Variants in MRPS9 observed in about 807,000 individuals in gnomAD.
MRPS9 encodes the protein small ribosomal subunit protein uS9m.
Under a neutral mutation model 59.9 loss-of-function variants are expected in MRPS9, and 45 were observed. The observed-to-expected ratio is 0.75, with a 90% CI of 0.59 to 0.96. The LOEUF (loss-of-function observed/expected upper bound fraction) is 0.96, where lower values mean the gene tolerates loss of function less well. MRPS9 is among the 40% of genes least tolerant of loss of function. MRPS9 has a pLI of 0.00. For synonymous variants in MRPS9, 171 were observed against 166.8 expected (o/e 1.03, Z -0.19); for missense variants, 473 against 481.1 (o/e 0.98, Z 0.16).
intron 4 of MRPS9, among the ~76,000 whole-genome samples, chr2:105,076,337 G>A (rs190798331): frequency 6.6e-6 from 1 of 152,320 alleles, no homozygotes; most frequent in East Asian, 1.9e-4. Flanking sequence ...AAATCAGTGT[G>A]GAATGGCATG....
intron 9 of MRPS9, among the ~76,000 whole-genome samples, chr2:105,095,040 A>G (rs1470833301): frequency 6.6e-6 from 1 of 152,310 alleles, no homozygotes; most frequent in Non-Finnish European, 1.5e-5. Flanking sequence ...AACTTCCTAC[A>G]TGGTTGGGAA....
chr2:105,083,756 C>T (rs1450725014), intron 5 of MRPS9, among the ~76,000 whole-genome samples: 1 of 152,078 alleles, frequency 6.6e-6, no homozygotes, highest in Non-Finnish European at 1.5e-5. Flanking sequence ...CTGGGGAACT[C>T]TAATAAGGAG....
rs1335930895 is a variant in MRPS9, at chr2:105,038,421, G to GT, written c.135+201dup. 1.2e-5 allele frequency: 8 copies of GT among 681,040 alleles called. No homozygotes were observed. The Admixed American group carries it at 2.1e-4, about 18-fold the overall frequency. 42.2% of individuals were successfully genotyped at this position (681,040 alleles called of 1,614,324 possible). A position where few individuals can be genotyped will look rare whatever the true frequency, so the allele number is the denominator to read the frequency against. On this transcript the variant is annotated intron_variant, in intron 1 of 10. Coordinates refer to ENST00000258455, the MANE Select transcript of MRPS9 (RefSeq NM_182640.3). Reference sequence around the variant, plus strand: ...GTAGCCGCTCTAGAGGTTGTTACTTGTTTTTTTGCGGGGTGCAGCGAGGGG... The same window carrying GT: ...GTAGCCGCTCTAGAGGTTGTTACTTGTTTTTTTTGCGGGGTGCAGCGAGGGG...
At chr2:105,066,227 A>G (rs1462668185) in intron 2 of MRPS9, among the ~76,000 whole-genome samples, 1 of 151,936 alleles carries the variant, frequency 6.6e-6, no homozygotes, top group Non-Finnish European at 1.5e-5. Flanking sequence ...CTGACATGGT[A>G]TCTTTTGCTC....
intron 4 of MRPS9, among the ~76,000 whole-genome samples, chr2:105,078,698 T>A (rs1328109704): frequency 6.6e-6 from 1 of 152,186 alleles, no homozygotes. Context: ...ATCCTACATA[T>A]AATACAGGTG....
chr2:105,064,335 G>A (rs1679959211), intron 2 of MRPS9, among the ~76,000 whole-genome samples: 1 of 140,872 alleles, frequency 7.1e-6, no homozygotes, highest in Admixed American at 7.2e-5. Context: ...AGTAATTACA[G>A]GACCAGAATT....
intron 2 of MRPS9, among the ~76,000 whole-genome samples, chr2:105,061,109 CAAAAAAAAAAA>C (rs751155585): frequency 8.3e-5 from 4 of 47,982 alleles, no homozygotes; most frequent in African/African-American, 2.4e-4. Context: ...GACTCTGTCT[CAAAAAAAAAAA>C]AAAAAAAAAA....
At chr2:105,066,266 A>G (rs958987842) in intron 2 of MRPS9, among the ~76,000 whole-genome samples, 6 of 152,206 alleles carry the variant, frequency 3.9e-5, no homozygotes, top group African/African-American at 1.4e-4. Context: ...TATTTGGTAC[A>G]ATACTTAGTA....
chr2:105,046,427 T>C (rs185533587), intron 1 of MRPS9, among the ~76,000 whole-genome samples: 1 of 152,076 alleles, frequency 6.6e-6, no homozygotes, highest in Non-Finnish European at 1.5e-5. Flanking sequence ...GCTTGCCATT[T>C]TTTCTCCTTC....
chr2:105,086,830 G>A (rs538520748), intron 5 of MRPS9, among the ~76,000 whole-genome samples: 1 of 152,192 alleles, frequency 6.6e-6, no homozygotes, highest in East Asian at 1.9e-4. Context: ...CAGTCTGCCT[G>A]TGGTCCAGCC....
chr2:105,053,900 G>C (rs1225106455), intron 2 of MRPS9, among the ~76,000 whole-genome samples: 1 of 152,148 alleles, frequency 6.6e-6, no homozygotes, highest in Non-Finnish European at 1.5e-5. Context: ...GAATTAATAG[G>C]AAAAACATCC....
intron 5 of MRPS9, among the ~76,000 whole-genome samples, chr2:105,081,181 C>T (rs980292054): frequency 6.6e-6 from 1 of 152,134 alleles, no homozygotes; most frequent in Admixed American, 6.5e-5. Context: ...TGGACTTGAG[C>T]CCCCTGCAGT....
intron 7 of MRPS9, chr2:105,091,300 C>T (rs1359544999): frequency 4.2e-6 from 2 of 470,944 alleles, no homozygotes; most frequent in East Asian, 1.4e-4. Context: ...GGCTGAGTTC[C>T]ACCCATAGTG....
intron 1 of MRPS9, among the ~76,000 whole-genome samples, chr2:105,041,885 C>G (rs565743817): frequency 6.6e-6 from 1 of 152,136 alleles, no homozygotes; most frequent in Non-Finnish European, 1.5e-5. Flanking sequence ...AAAAATACCT[C>G]TACATTAAAA....
At chr2:105,079,009 G>A (rs1680270273) in intron 4 of MRPS9, among the ~76,000 whole-genome samples, 1 of 152,098 alleles carries the variant, frequency 6.6e-6, no homozygotes. Context: ...CAGCAGATGT[G>A]TAGTGTATCT....
At chr2:105,047,047 T>A (rs574347009) in intron 1 of MRPS9, among the ~76,000 whole-genome samples, 1 of 151,932 alleles carries the variant, frequency 6.6e-6, no homozygotes, top group South Asian at 2.1e-4. Context: ...ACCACTATGG[T>A]AGGGAGTTGG....
At chr2:105,090,022 G>C in intron 7 of MRPS9, 27 bp downstream of exon 7, 1 of 1,333,886 alleles carries the variant, frequency 7.5e-7, no homozygotes, top group Non-Finnish European at 1.1e-6. Context: ...TTTAATTTAA[G>C]GGGACCTATG....
chr2:105,078,179 G>A (rs1047022180), intron 4 of MRPS9, among the ~76,000 whole-genome samples: 3 of 140,824 alleles, frequency 2.1e-5, no homozygotes, highest in African/African-American at 8.2e-5. Flanking sequence ...ATGTCTGACA[G>A]CAGGGAACAC....
chr2:105,096,294 G>A (rs1680657468), intron 9 of MRPS9, among the ~76,000 whole-genome samples: 1 of 152,088 alleles, frequency 6.6e-6, no homozygotes, highest in South Asian at 2.1e-4. Flanking sequence ...AGAAGCTACA[G>A]CATCAAAGAA....
Sources: gnomAD v4.1 joint callset for allele counts (sites outside exome capture counted in the v4.1 genomes callset) on GRCh38, gnomAD v4.1.1 for gene constraint, MANE v1.5 for transcripts, NCBI Gene and HGNC (gene_info 2026-07-23, HGNC 2026-07-21) for gene names.